The following ZNF416 variants were observed in gnomAD, a reference collection of about 807,000 sequenced individuals.
ZNF416 encodes zinc finger protein 416.
A neutral mutation model predicts 10.9 loss-of-function variants in ZNF416; 5 were observed. The observed-to-expected ratio is 0.46, with a 90% confidence interval of 0.24 to 0.97. The LOEUF is 0.97. Among genes scored for constraint, ZNF416 ranks in the 50% least tolerant of loss-of-function variants. The pLI is 0.19. For synonymous variants in ZNF416, 267 were observed against 251.8 expected, an observed-to-expected ratio of 1.06 and a Z score of -0.57; for missense variants, 675 against 715.0, an observed-to-expected ratio of 0.94 and a Z score of 0.64.
Position 57,578,694 on chromosome 19 carries a change from G to C in ZNF416, c.11C>G (p.Ala4Gly), listed in dbSNP as rs2123400718. 1 of 1,548,194 alleles carries C rather than the reference G, an allele frequency of 6.5e-7. No individual in the cohort carries two copies. Among genetic ancestry groups the C allele is most frequent in the East Asian group, 2.5e-5 (1 of 39,642 alleles). Residue 4 changes from alanine to glycine, a missense_variant, in exon 1 of 4, where the codon GCC becomes GGC. Transcript: ENST00000196489. ...CACCGAAGTCGAATCCCTAAGCACG[G>C]CCGCCGCCATCGGATTGTGAGCGGA... Reference protein sequence around the residue: MAAAVLRDSTSVPV... With the variant: MAAGVLRDSTSVPV...
chr19:57,576,708 C>T (rs1266370221), intron 2 of ZNF416, among the ~76,000 whole-genome samples: 3 of 152,004 alleles, frequency 2.0e-5, no homozygotes, highest in East Asian at 1.9e-4. Flanking sequence ...GACCCCCACA[C>T]CTCAGGCCCA....
chr19:57,572,209 G>A lies in ZNF416; in HGVS notation c.1695C>T (p.Leu565=), dbSNP rs368895409. ...CGKSFTQHSG[L]ILHRKSHTVE... is the part of the protein sequence containing the mutation. ...CAGTGTGAGATTTTCGGTGGAGAAT[G>A]AGGCCAGAGTGTTGTGTAAAGGACT... is the stretch of plus-strand genomic sequence containing the variant. The change falls in exon 4 of 4, where the codon CTC becomes CTT. Residue 565 remains leucine, a synonymous_variant. Transcript: ENST00000196489. This position sits in a 1 kb window ranked among gnomAD's most constrained non-coding sequence, Gnocchi z 4.5. The A allele has an allele frequency of 5.6e-6, 9 of 1,614,096 alleles. No homozygotes were observed. Among genetic ancestry groups the A allele is most frequent in the African/African-American group, 1.3e-5 (1 of 74,928 alleles).
chr19:57,576,840 T>C (rs1978553979), intron 2 of ZNF416, among the ~76,000 whole-genome samples: 1 of 152,146 alleles, frequency 6.6e-6, no homozygotes, highest in Non-Finnish European at 1.5e-5. Flanking sequence ...GCACTAGTTC[T>C]GGTCTCAGTG....
At chr19:57,578,268 G>A (rs1006156241) in intron 1 of ZNF416, among the ~76,000 whole-genome samples, 170 bp from the exon 2 acceptor site, 1 of 152,128 alleles carries the variant, frequency 6.6e-6, no homozygotes, top group Non-Finnish European at 1.5e-5. Flanking sequence ...CCTTGCACAA[G>A]GACTCAACTT....
rs568651299 is a variant in ZNF416, at chr19:57,575,754, A to G, written c.202+50T>C. The stretch of plus-strand genomic sequence containing the variant: ...GTCCGGCAGAGCTGCCTCTGAGGAA[A>G]AAGAGGATAGACGAAGACCAGGACA... On this transcript the variant is annotated intron_variant, in intron 3 of 3. Coordinates refer to ENST00000196489, the MANE Select transcript of ZNF416 (RefSeq NM_017879.3). The surrounding 1 kb of genome is among the most constrained non-coding windows in gnomAD (Gnocchi z 4.4). 143 of 1,612,968 alleles carry G rather than the reference A, an allele frequency of 8.9e-5. No homozygotes were observed. Among genetic ancestry groups the G allele is most frequent in the Non-Finnish European group, 1.2e-4 (137 of 1,179,192 alleles).
Position 57,572,223 on chromosome 19 carries a change from G to A in ZNF416, c.1681C>T (p.Gln561Ter). The A allele has an allele frequency of 6.2e-7, 1 of 1,614,234 alleles. No homozygotes were observed. The highest frequency in any genetic ancestry group is 8.5e-7 in the Non-Finnish European group (1 of 1,180,038). Residue 561 changes from glutamine to a stop codon, truncating the protein, a stop_gained, in exon 4 of 4, where the codon CAA becomes TAA. Transcript: ENST00000196489. LOFTEE classifies it low-confidence loss of function (END_TRUNC). The surrounding 1 kb of genome is among the most constrained non-coding windows in gnomAD (Gnocchi z 4.5). ...ECGKCGKSFT[Q>*]HSGLILHRKS... ...CGGTGGAGAATGAGGCCAGAGTGTT[G>A]TGTAAAGGACTTCCCACATTTGCCA...
In ZNF416 at chr19:57,573,496, A is replaced by G. The variant is rs1978401384; in HGVS notation, c.408T>C (p.Phe136=). ...CACTATGATGCTTCTGGTCCTGGTG[A>G]AAGACCGCACATGCCCCAGTCAAGT... ...ELYLTGACAV[F]HQDQKHHSAE... The change falls in exon 4 of 4, where the codon TTT becomes TTC. Residue 136 remains phenylalanine, a synonymous_variant. Transcript: ENST00000196489. The G allele has an allele frequency of 3.7e-6, 6 of 1,614,214 alleles. No individual in the cohort carries two copies. The highest frequency in any genetic ancestry group is 5.1e-6 in the Non-Finnish European group (6 of 1,180,042).
rs1001881866 is a variant in ZNF416, at chr19:57,576,648, A to G, written c.76-718T>C. ...GCGCTGCACTTGATGTCCTCTCTTA[A>G]GTCACAGCCTTCCTCTCCTGCTAAC... On this transcript the variant is annotated intron_variant, in intron 2 of 3. Coordinates refer to ENST00000196489, the MANE Select transcript of ZNF416 (RefSeq NM_017879.3). Among the ~76,000 whole-genome samples, 6 of 152,048 alleles carry G rather than the reference A, an allele frequency of 3.9e-5. 1 individual carries two copies. In the Middle Eastern group the frequency reaches 0.01, roughly 259 times the overall value.
At chr19:57,577,715 C>T (rs1223583381) in intron 2 of ZNF416, among the ~76,000 whole-genome samples, 1 of 152,224 alleles carries the variant, frequency 6.6e-6, no homozygotes, top group Non-Finnish European at 1.5e-5. Context: ...CACCCGACAA[C>T]TGACAGCCAT....
chr19:57,578,855 G>A lies in ZNF416; in HGVS notation c.-151C>T. The A allele has an allele frequency of 7.1e-6, 5 of 705,202 alleles. No individual in the cohort carries two copies. Among genetic ancestry groups the A allele is most frequent in the Non-Finnish European group, 8.3e-6 (4 of 480,072 alleles). The allele number at this position is 705,202 out of a possible 1,614,324, so 43.7% of individuals were successfully genotyped here. On this transcript the variant is annotated 5_prime_UTR_variant, in exon 1 of 4. It adds an upstream start codon to the 5' untranslated region. Transcript: ENST00000196489. ...AGGCAGCGTTTCTAACTCAGGCGGC[G>A]TGGGCCGAGGTAGAGAACCACCAAA... is the stretch of plus-strand genomic sequence containing the variant.
chr19:57,575,698 CAA>C lies in ZNF416; in HGVS notation c.202+104_202+105del. 6.8e-7 allele frequency: 1 copy of C among 1,479,466 alleles called. No homozygotes were observed. The highest frequency in any genetic ancestry group is 9.4e-7 in the Non-Finnish European group (1 of 1,059,478). 91.6% of individuals were successfully genotyped at this position (1,479,466 alleles called of 1,614,324 possible). ...ATTCCTTACACCACAGCACATACGC[CAA>C]GACAGTGGGGAAGTCAGCAAAGCCC... On this transcript the variant is annotated intron_variant, in intron 3 of 3. Transcript: ENST00000196489. This position sits in a 1 kb window ranked among gnomAD's most constrained non-coding sequence, Gnocchi z 4.4.
chr19:57,576,454 G>A (rs1228209287), intron 2 of ZNF416, among the ~76,000 whole-genome samples: 1 of 152,006 alleles, frequency 6.6e-6, no homozygotes, highest in East Asian at 1.9e-4. Context: ...AAAGTGCTTG[G>A]CAAACTGAAA....
Position 57,572,560 on chromosome 19 carries a change from G to C in ZNF416, c.1344C>G (p.Ser448Arg), listed in dbSNP as rs779184173. Residue 448 changes from serine (S) to arginine (R), a missense_variant, in exon 4 of 4, where the codon AGC (serine) becomes AGG (arginine). Physicochemically the swap from Ser to Arg is moderately radical, Grantham distance 110 (BLOSUM62 -1). Coordinates refer to ENST00000196489, the MANE Select transcript of ZNF416 (RefSeq NM_017879.3). The surrounding 1 kb of genome is among the most constrained non-coding windows in gnomAD (Gnocchi z 4.5). ...FECDECGKSF[S>R]QRTTLNKHHK... is the part of the protein sequence containing the mutation. ...GGTGTTTATTGAGGGTGGTTCTTTGGCTAAAGGATTTTCCGCACTCATCAC... is the reference window on the plus strand; with the variant it reads ...GGTGTTTATTGAGGGTGGTTCTTTGCCTAAAGGATTTTCCGCACTCATCAC... 1.9e-6 allele frequency: 3 copies of C among 1,614,036 alleles called. No homozygotes were observed. In the East Asian group the frequency reaches 6.7e-5, roughly 36 times the overall value.
At chr19:57,576,835 A>G (rs541275687) in intron 2 of ZNF416, among the ~76,000 whole-genome samples, 8 of 152,224 alleles carry the variant, frequency 5.3e-5, no homozygotes, top group African/African-American at 1.9e-4. Flanking sequence ...AGTAAGCACT[A>G]GTTCTGGTCT....
Position 57,572,882 on chromosome 19 carries a change from A to C in ZNF416, c.1022T>G (p.Leu341Arg), listed in dbSNP as rs1467525914. ...AGTGTGAATTCTGCAATGTTCAATA[A>C]GGTTGGAACTTTGGCTAAAAGATTT... ...CGKSFSQSSN[L>R]IEHCRIHTGE... Residue 341 changes from leucine to arginine, a missense_variant, in exon 4 of 4, where the codon CTT becomes CGT. Leu to Arg is a moderately radical substitution (Grantham distance 102). Coordinates refer to ENST00000196489, the MANE Select transcript of ZNF416 (RefSeq NM_017879.3). The surrounding 1 kb of genome is among the most constrained non-coding windows in gnomAD (Gnocchi z 4.5). 2.5e-6 allele frequency: 4 copies of C among 1,614,076 alleles called. No individual in the cohort carries two copies. The highest frequency in any genetic ancestry group is 3.4e-6 in the Non-Finnish European group (4 of 1,179,914).
chr19:57,576,060 G>T, intron 2 of ZNF416, 130 bp from the exon 3 acceptor site: 1 of 1,175,514 alleles, frequency 8.5e-7, no homozygotes, highest in Non-Finnish European at 1.2e-6. Context: ...ACCAAGACCT[G>T]GTGGCACTGA....
chr19:57,573,426 G>A lies in ZNF416; in HGVS notation c.478C>T (p.Gln160Ter). ...ESDMDKASFV[Q>*]CCLFHESGMP... ...CCTGACTCATGGAACAGGCAGCACT[G>A]CACAAATGAGGCCTTGTCCATGTCA... The change falls in exon 4 of 4, where the codon CAG (glutamine) becomes TAG (stop). Residue 160 changes from glutamine to a stop codon, truncating the protein, a stop_gained. Transcript: ENST00000196489. LOFTEE classifies it low-confidence loss of function (END_TRUNC). 1 of 1,614,232 alleles carries A rather than the reference G, an allele frequency of 6.2e-7. No individual in the cohort carries two copies. The highest frequency in any genetic ancestry group is 1.7e-5 in the Admixed American group (1 of 60,036).
At chr19:57,576,534 A>C (rs557973489) in intron 2 of ZNF416, among the ~76,000 whole-genome samples, 2 of 152,160 alleles carry the variant, frequency 1.3e-5, no homozygotes, top group East Asian at 3.9e-4. Flanking sequence ...CCCTGCTCTG[A>C]AGGCCTCCCT....
chr19:57,573,694 C>G lies in ZNF416; in HGVS notation c.210G>C (p.Trp70Cys). The G allele has an allele frequency of 6.2e-7, 1 of 1,607,474 alleles. No individual in the cohort carries two copies. Among genetic ancestry groups the G allele is most frequent in the Non-Finnish European group, 8.5e-7 (1 of 1,174,892 alleles). Residue 70 changes from tryptophan to cysteine, a missense_variant, in exon 4 of 4, where the codon TGG (tryptophan) becomes TGC (cysteine). Transcript: ENST00000196489. The stretch of plus-strand genomic sequence containing the variant: ...GTGTCTCTTCATCCTCCATCCCATG[C>G]CAACAAACTGAAAGCAGAGAAACAC... ...NFALITALVC[W>C]HGMEDEETPE...
Sources: gnomAD v4.1 joint callset for allele counts (sites outside exome capture counted in the v4.1 genomes callset) on GRCh38, gnomAD v4.1.1 for gene constraint, Gnocchi (gnomAD v3.1) non-coding constraint, MANE v1.5 for transcripts, NCBI Gene and HGNC (gene_info 2026-07-23, HGNC 2026-07-21) for gene names.